Variants in SLC23A2 observed in about 807,000 individuals in gnomAD.
SLC23A2 encodes solute carrier family 23 member 2, also known as Na(+)/L-ascorbic acid transporter 2.
A neutral mutation model predicts 73.3 loss-of-function variants in SLC23A2; 36 were observed. That is an observed-to-expected ratio of 0.49 (90% CI 0.38 to 0.65). SLC23A2 has a LOEUF of 0.65. Ranked by LOEUF, SLC23A2 falls within the 30% of genes least tolerant of loss-of-function variation. The probability of loss-of-function intolerance (pLI) is 0.00; values close to 1 mark genes in which losing one functional copy is unlikely to be tolerated. For missense variants in SLC23A2, 507 were observed against 841.6 expected, an observed-to-expected ratio of 0.60 and a Z score of 4.92; for synonymous variants, 343 against 327.3, an observed-to-expected ratio of 1.05 and a Z score of -0.52.
At chr20:4,930,975 A>AT (rs201545727) in intron 3 of SLC23A2, among the ~76,000 whole-genome samples, 10,362 of 127,318 alleles carry the variant, frequency 0.081, 543 homozygotes, top group African/African-American at 0.15. Context: ...GACTCAGTCT[A>AT]TTTTTTTTTT....
chr20:4,945,129 A>G lies in SLC23A2; in HGVS notation c.-154-12413T>C, dbSNP rs146664273. On this transcript the variant is annotated intron_variant, in intron 2 of 16. Coordinates refer to ENST00000338244, the MANE Select transcript of SLC23A2 (RefSeq NM_005116.6). ...TGCAATTCTGATGCTGATCCTAGCT[A>G]TAATTATTCCATTTAAAGCTCCAAG... Among the ~76,000 whole-genome samples, 19 of 152,244 alleles carry G rather than the reference A, an allele frequency of 1.2e-4. No homozygotes were observed. The East Asian group carries it at 3.5e-3, about 28-fold the overall frequency.
chr20:4,998,083 A>T lies in SLC23A2; in HGVS notation c.-282+3323T>A, dbSNP rs888794805. ...TATACGAAACAAATTTCCGTTGTTT[A>T]AGCCACCCACACTGTGCTATTTTTG... On this transcript the variant is annotated intron_variant, in intron 1 of 16. Transcript: ENST00000338244. This position sits in a 1 kb window ranked among gnomAD's most constrained non-coding sequence, Gnocchi z 4.1. Among the ~76,000 whole-genome samples the T allele has an allele frequency of 2.6e-5, 4 of 152,188 alleles. No individual in the cohort carries two copies. Among genetic ancestry groups the T allele is most frequent in the Admixed American group, 2.6e-4 (4 of 15,272 alleles).
At chr20:4,995,310 G>A (rs1387896665) in intron 1 of SLC23A2, among the ~76,000 whole-genome samples, 1 of 152,114 alleles carries the variant, frequency 6.6e-6, no homozygotes, top group Non-Finnish European at 1.5e-5. Flanking sequence ...AGGAGCAAGA[G>A]GAGACGGTCC....
At chr20:4,927,835 T>C (rs936811897) in intron 3 of SLC23A2, among the ~76,000 whole-genome samples, 4 of 152,094 alleles carry the variant, frequency 2.6e-5, no homozygotes, top group Non-Finnish European at 5.9e-5. Flanking sequence ...CTTCCTGTGC[T>C]ACCCCACTGC....
At chr20:4,879,881 A>G (rs1048082163) in intron 9 of SLC23A2, among the ~76,000 whole-genome samples, 4 of 152,230 alleles carry the variant, frequency 2.6e-5, no homozygotes, top group African/African-American at 4.8e-5. Flanking sequence ...GTGACATTTA[A>G]AAAACAAATT....
At chr20:4,933,562 G>A (rs142648981) in intron 2 of SLC23A2, among the ~76,000 whole-genome samples, 1 of 152,056 alleles carries the variant, frequency 6.6e-6, no homozygotes, top group Non-Finnish European at 1.5e-5. Flanking sequence ...CTGGAAGGCG[G>A]AGGTTGCAGT....
chr20:4,915,567 G>A (rs970381244), intron 3 of SLC23A2, among the ~76,000 whole-genome samples: 21 of 152,164 alleles, frequency 1.4e-4, no homozygotes, highest in Non-Finnish European at 2.6e-4. Context: ...ATGTGTTTTT[G>A]TAGTCAAGGA....
At chr20:4,907,087 G>C (rs1931983936) in intron 4 of SLC23A2, among the ~76,000 whole-genome samples, 1 of 152,142 alleles carries the variant, frequency 6.6e-6, no homozygotes, top group South Asian at 2.1e-4. Context: ...AAATATGTAT[G>C]GTTTGAAGAA....
chr20:5,002,446 G>A (rs1279683), upstream of SLC23A2, among the ~76,000 whole-genome samples: 63,564 of 151,960 alleles, frequency 0.42, 14,736 homozygotes, highest in African/African-American at 0.64. Flanking sequence ...TCTTGAAACC[G>A]TTGTCATGGT....
At chr20:4,926,496 C>T (rs1932673870) in intron 3 of SLC23A2, among the ~76,000 whole-genome samples, 1 of 142,812 alleles carries the variant, frequency 7.0e-6, no homozygotes. Flanking sequence ...GATCGTTCAT[C>T]AGAATTTTTT....
intron 2 of SLC23A2, among the ~76,000 whole-genome samples, chr20:4,965,737 G>A (rs192017269): frequency 6.6e-6 from 1 of 152,206 alleles, no homozygotes; most frequent in Admixed American, 6.5e-5. Context: ...GAGGCCAAGG[G>A]AGGCAGATCA....
rs1040980497 is a variant in SLC23A2, at chr20:4,854,553, A to G, written c.*2419T>C. On this transcript the variant is annotated 3_prime_UTR_variant, in exon 17 of 17. Coordinates refer to ENST00000338244, the MANE Select transcript of SLC23A2 (RefSeq NM_005116.6). Reference sequence around the variant, plus strand: ...CCTATTCCCTTACCCCTCCTCGGACAGAATTATTGGGTTGGCCACAGTGGA... The same window carrying G: ...CCTATTCCCTTACCCCTCCTCGGACGGAATTATTGGGTTGGCCACAGTGGA... The G allele has an allele frequency of 7.9e-5, 12 of 152,228 alleles. No homozygotes were observed. Among genetic ancestry groups the G allele is most frequent in the African/African-American group, 2.9e-4 (12 of 41,438 alleles). 9.4% of individuals were successfully genotyped at this position (152,228 alleles called of 1,614,324 possible). A position where few individuals can be genotyped will look rare whatever the true frequency, so the allele number is the denominator to read the frequency against.
rs1218302555 is a variant in SLC23A2 at position 4,880,845 on chromosome 20, C to T, written c.824+2797G>A. Among the ~76,000 whole-genome samples, 4 of 151,904 alleles carry T rather than the reference C, an allele frequency of 2.6e-5. No individual in the cohort carries two copies. In the East Asian group the frequency reaches 7.7e-4, roughly 29 times the overall value. ...CAGACATTGGAACAGTAAGAAAACC[C>T]CAAAGCTTCCAGAATTCTAGCTTGT... On this transcript the variant is annotated intron_variant, in intron 9 of 16. Coordinates refer to ENST00000338244, the MANE Select transcript of SLC23A2 (RefSeq NM_005116.6).
intron 3 of SLC23A2, among the ~76,000 whole-genome samples, chr20:4,925,956 T>C (rs926865585): frequency 2.6e-5 from 4 of 152,162 alleles, no homozygotes; most frequent in Non-Finnish European, 4.4e-5. Context: ...CTAACACTGA[T>C]GGTATGCTGG....
At chr20:4,974,087 C>T (rs2087606915) in intron 1 of SLC23A2, among the ~76,000 whole-genome samples, 1 of 152,158 alleles carries the variant, frequency 6.6e-6, no homozygotes, top group African/African-American at 2.4e-5. Flanking sequence ...GGGCCAGTAT[C>T]ATAACAGGCC....
At chr20:5,002,574 T>G (rs139847659), upstream of SLC23A2, among the ~76,000 whole-genome samples, 288 of 152,324 alleles carry the variant, frequency 1.9e-3, 1 homozygote, top group African/African-American at 6.7e-3. Context: ...TCAGAATTAT[T>G]TATGTGTTTT....
intron 2 of SLC23A2, among the ~76,000 whole-genome samples, chr20:4,961,460 G>C (rs996225347): frequency 2.6e-5 from 4 of 152,080 alleles, no homozygotes; most frequent in Non-Finnish European, 5.9e-5. Context: ...TCTAAAGCAA[G>C]CTTGTCCAGC....
At position 4,883,100 on chromosome 20, in the gene SLC23A2, C is replaced by T. The variant is rs1216364718; in HGVS notation, c.824+542G>A. ...TCTTTAATGGATGTGACATTCTGTACAAAAGGACAGGCACTGACTAGCAGG... is the reference window on the plus strand; with the variant it reads ...TCTTTAATGGATGTGACATTCTGTATAAAAGGACAGGCACTGACTAGCAGG... On this transcript the variant is annotated intron_variant, in intron 9 of 16. Transcript: ENST00000338244. The surrounding 1 kb of genome is among the most constrained non-coding windows in gnomAD (Gnocchi z 4.5). Among the ~76,000 whole-genome samples, 1 of 152,162 alleles carries T rather than the reference C, an allele frequency of 6.6e-6. No individual in the cohort carries two copies. Among genetic ancestry groups the T allele is most frequent in the African/African-American group, 2.4e-5 (1 of 41,426 alleles).
chr20:4,949,829 C>T (rs1416643449), intron 2 of SLC23A2, among the ~76,000 whole-genome samples: 1 of 152,290 alleles, frequency 6.6e-6, no homozygotes, highest in Non-Finnish European at 1.5e-5. Context: ...AAAGCAGAAC[C>T]GCCAAATGGC....
Sources: allele counts gnomAD v4.1 joint callset (sites outside exome capture counted in the v4.1 genomes callset), GRCh38; gene constraint gnomAD v4.1.1; non-coding constraint Gnocchi (gnomAD v3.1); transcripts MANE v1.5; gene names NCBI Gene and HGNC (gene_info 2026-07-23, HGNC 2026-07-21).